POLR3A: variants seen among roughly 807,000 people sequenced by gnomAD.
The protein encoded by POLR3A is DNA-directed RNA polymerase III subunit RPC1.
A neutral mutation model predicts 152.8 loss-of-function variants in POLR3A; 112 were observed. The observed-to-expected ratio is 0.73, with a 90% CI of 0.63 to 0.86. The LOEUF is 0.86. POLR3A is among the 40% of genes least tolerant of loss of function. POLR3A has a pLI of 0.00. For missense variants in POLR3A, 1,385 were observed against 1,743.1 expected (o/e 0.79, Z 3.66); for synonymous variants, 615 against 652.1 (o/e 0.94, Z 0.87).
chr10:77,983,943 G>A lies in POLR3A; in HGVS notation c.3406C>T (p.Arg1136Trp), dbSNP rs766029466. 1.7e-5 allele frequency: 28 copies of A among 1,610,020 alleles called. No individual in the cohort carries two copies. The highest frequency in any genetic ancestry group is 5.5e-5 in the South Asian group (5 of 90,956). Residue 1136 changes from arginine to tryptophan, a missense_variant, in exon 26 of 31, where the codon CGG becomes TGG. Transcript: ENST00000372371. ...CFILVKLSLERIRLLRLEVNA... is the reference protein window; with the variant it reads ...CFILVKLSLEWIRLLRLEVNA... ...ACTTCCAGTCTCAGAAGCCTAATCC[G>A]TTCCAGGGAGAGCTTGACGAGAATA...
rs765359344 is a variant in POLR3A at position 78,022,305 on chromosome 10, G to C, written c.725C>G (p.Pro242Arg). 6 of 1,614,142 alleles carry C rather than the reference G, an allele frequency of 3.7e-6. No homozygotes were observed. The South Asian group carries it at 6.6e-5, about 18-fold the overall frequency. Residue 242 changes from proline to arginine, a missense_variant, in exon 6 of 31, where the codon CCA becomes CGA. Coordinates refer to ENST00000372371, the MANE Select transcript of POLR3A (RefSeq NM_007055.4). Reference protein sequence around the residue: ...AEDVPLLLMNPEAGKPSDLIL... With the variant: ...AEDVPLLLMNREAGKPSDLIL... The stretch of plus-strand genomic sequence containing the variant: ...CAAATCAGACGGCTTTCCGGCTTCT[G>C]GGTTCATCAGAAGTAGAGGAACATC...
chr10:77,979,757 A>C (rs1847122502), intron 30 of POLR3A, among the ~76,000 whole-genome samples: 1 of 152,008 alleles, frequency 6.6e-6, no homozygotes, highest in African/African-American at 2.4e-5. Flanking sequence ...ACAGTAGGAC[A>C]CTCTGCTCTG....
chr10:78,013,646 A>G lies in POLR3A; in HGVS notation c.1572+4T>C. ...CAAAAGCTGGGCTGTGCCACCCTACATACCCCCATCAGAACAAGGGCCTCT... is the reference window on the plus strand; with the variant it reads ...CAAAAGCTGGGCTGTGCCACCCTACGTACCCCCATCAGAACAAGGGCCTCT... On this transcript the variant is annotated splice_donor_region_variant and intron_variant, in intron 11 of 30. Transcript: ENST00000372371. 6.2e-7 allele frequency: 1 copy of G among 1,614,016 alleles called. No individual in the cohort carries two copies. The highest frequency in any genetic ancestry group is 8.5e-7 in the Non-Finnish European group (1 of 1,179,938).
At chr10:78,015,712 T>C (rs1282973733) in intron 10 of POLR3A, among the ~76,000 whole-genome samples, 1 of 152,156 alleles carries the variant, frequency 6.6e-6, no homozygotes, top group Admixed American at 6.5e-5. Flanking sequence ...AGTGGCTATT[T>C]ATAGGCGTGA....
intron 20 of POLR3A, among the ~76,000 whole-genome samples, chr10:77,991,388 G>T (rs1361652673): frequency 3.3e-5 from 5 of 152,166 alleles, no homozygotes; most frequent in Non-Finnish European, 7.4e-5. Flanking sequence ...GGGCTATTCA[G>T]CAGGTGTTGT....
chr10:77,999,762 G>A (rs1447229769), intron 19 of POLR3A, among the ~76,000 whole-genome samples: 1 of 152,152 alleles, frequency 6.6e-6, no homozygotes, highest in African/African-American at 2.4e-5. Context: ...GCTATGCGTG[G>A]CTCTGGCCTG....
At chr10:78,016,372 C>T (rs1273636607) in intron 10 of POLR3A, among the ~76,000 whole-genome samples, 3 of 149,540 alleles carry the variant, frequency 2.0e-5, no homozygotes, top group Admixed American at 6.7e-5. Flanking sequence ...AGATTGCGAC[C>T]CATCTGGGCA....
In POLR3A at chr10:77,977,318, AGAG is replaced by A. The variant is rs774061285; in HGVS notation, c.*157_*159del. 1 of 755,904 alleles carries A rather than the reference AGAG, an allele frequency of 1.3e-6. No homozygotes were observed. Among genetic ancestry groups the A allele is most frequent in the South Asian group, 1.5e-5 (1 of 66,962 alleles). 46.8% of individuals were successfully genotyped at this position (755,904 alleles called of 1,614,324 possible). Reference sequence around the variant, plus strand: ...TCACTGGTGTGAGCTGCACCCTATCAGAGGAGAAGCTGCTCCTGGGGATGCCAA... The same window carrying A: ...TCACTGGTGTGAGCTGCACCCTATCAGAGAAGCTGCTCCTGGGGATGCCAA... On this transcript the variant is annotated 3_prime_UTR_variant, in exon 31 of 31. Transcript: ENST00000372371.
At chr10:77,983,889 C>T (rs1847171933) in intron 26 of POLR3A, 31 bp downstream of exon 26, 1 of 1,388,892 alleles carries the variant, frequency 7.2e-7, no homozygotes, top group Non-Finnish European at 1.0e-6. Context: ...AACAGGATGA[C>T]TTCCTCTCTA....
intron 17 of POLR3A, 97 bp from the exon 18 acceptor site, chr10:78,001,191 T>A: frequency 1.4e-6 from 1 of 695,688 alleles, no homozygotes; most frequent in Admixed American, 1.9e-5. Context: ...TAGGCCCTTA[T>A]GCTCAATGAG....
At chr10:77,986,893 A>T (rs1470636567) in intron 21 of POLR3A, among the ~76,000 whole-genome samples, 1 of 152,188 alleles carries the variant, frequency 6.6e-6, no homozygotes, top group Non-Finnish European at 1.5e-5. Context: ...AAGAAGGTGA[A>T]AAATACACAG....
intron 15 of POLR3A, among the ~76,000 whole-genome samples, chr10:78,006,029 TAATAA>T (rs1344865864): frequency 6.6e-6 from 1 of 152,012 alleles, no homozygotes; most frequent in African/African-American, 2.4e-5. Flanking sequence ...GAAGCAAATA[TAATAA>T]AACTATGAAT....
intron 10 of POLR3A, among the ~76,000 whole-genome samples, chr10:78,015,912 A>C (rs1023214133): frequency 2.6e-5 from 4 of 152,202 alleles, no homozygotes; most frequent in African/African-American, 9.6e-5. Flanking sequence ...CATTCTCACA[A>C]TCATAATCCC....
At chr10:78,013,891 G>T in intron 10 of POLR3A, 101 bp from the exon 11 acceptor site, 1 of 1,334,212 alleles carries the variant, frequency 7.5e-7, no homozygotes, top group Non-Finnish European at 1.1e-6. Flanking sequence ...GGAATACTGG[G>T]CACTGGCTTA....
Position 78,022,345 on chromosome 10 carries a change from G to A in POLR3A, c.685C>T (p.Arg229Ter), listed in dbSNP as rs1384567912. The part of the protein sequence containing the change: ...NPLVVLNLFK[R>*]IPAEDVPLLL... ...AGAGGAACATCTTCAGCTGGGATTC[G>A]TTTAAATAAATTCAGAACTACTAAG... Residue 229 changes from arginine to a stop codon, truncating the protein, a stop_gained, in exon 6 of 31, where the codon CGA becomes TGA. Transcript: ENST00000372371. LOFTEE classifies it high-confidence loss of function. The A allele has an allele frequency of 9.9e-6, 16 of 1,613,770 alleles. No individual in the cohort carries two copies. The highest frequency in any genetic ancestry group is 1.7e-5 in the Admixed American group (1 of 59,994).
rs1847579982 is a variant in POLR3A at position 78,021,585 on chromosome 10, C to T, written c.1146G>A (p.Val382=). 1.9e-6 allele frequency: 3 copies of T among 1,614,132 alleles called. No homozygotes were observed. In the East Asian group the frequency reaches 6.7e-5, roughly 36 times the overall value. ...DPNLRIDEVA[V]PVHVAKILTF... ...TTAGAATTTTGGCCACATGAACTGGCACAGCTACCTCATCAATCCGGAGGT... is the reference window on the plus strand; with the variant it reads ...TTAGAATTTTGGCCACATGAACTGGTACAGCTACCTCATCAATCCGGAGGT... The change falls in exon 8 of 31, where the codon GTG becomes GTA. Residue 382 remains valine (V), a synonymous_variant. Transcript: ENST00000372371.
Position 78,007,744 on chromosome 10 carries a change from C to G in POLR3A, c.2032G>C (p.Asp678His). 6.2e-7 allele frequency: 1 copy of G among 1,614,118 alleles called. No homozygotes were observed. The highest frequency in any genetic ancestry group is 8.5e-7 in the Non-Finnish European group (1 of 1,179,978). The stretch of plus-strand genomic sequence containing the variant: ...AGCCTGGCGAGCCGTGACATGGCAT[C>G]TGCAGCTTCATTCTGTCCCCAGTCT... ...LRDWGQNEAA[D>H]AMSRLARLAP... The change falls in exon 15 of 31, where the codon GAT becomes CAT. Residue 678 changes from aspartate to histidine, a missense_variant. Transcript: ENST00000372371.
intron 21 of POLR3A, among the ~76,000 whole-genome samples, chr10:77,988,175 A>G (rs1035241345): frequency 3.3e-5 from 5 of 152,092 alleles, no homozygotes; most frequent in Non-Finnish European, 5.9e-5. Flanking sequence ...AGGCCCACGG[A>G]GGGTGACCCT....
At chr10:78,019,096 A>G in intron 9 of POLR3A, 66 bp downstream of exon 9, 3 of 1,080,080 alleles carry the variant, frequency 2.8e-6, no homozygotes, top group Non-Finnish European at 4.3e-6. Context: ...TCTGTGGCTG[A>G]GTATGACCAC....
Sources: gnomAD v4.1 joint callset for allele counts (sites outside exome capture counted in the v4.1 genomes callset) on GRCh38, gnomAD v4.1.1 for gene constraint, MANE v1.5 for transcripts, NCBI Gene and HGNC (gene_info 2026-07-23, HGNC 2026-07-21) for gene names.